The following TRMT11 variants were observed in gnomAD, a reference collection of about 807,000 sequenced individuals.
The protein encoded by TRMT11 is tRNA methyltransferase 11, also known as tRNA (guanine(10)-N(2))-methyltransferase TRMT11.
Under a neutral mutation model 62.8 loss-of-function variants are expected in TRMT11, and 53 were observed. The observed-to-expected ratio is 0.84, with a 90% CI of 0.68 to 1.06. TRMT11 has a LOEUF of 1.06. Ranked by LOEUF, TRMT11 falls within the 50% of genes least tolerant of loss-of-function variation. The probability of loss-of-function intolerance (pLI) is 0.00; values close to 1 mark genes in which losing one functional copy is unlikely to be tolerated. For synonymous variants in TRMT11, 188 were observed against 190.3 expected (o/e 0.99, Z 0.10); for missense variants, 556 against 553.4 (o/e 1.00, Z -0.05).
At position 126,038,385 on chromosome 6, in the gene TRMT11, G is replaced by A. The variant is rs181086190; in HGVS notation, c.1261-320G>A. Among the ~76,000 whole-genome samples the A allele has an allele frequency of 4.4e-5, 6 of 136,558 alleles. No individual in the cohort carries two copies. In the Middle Eastern group the frequency reaches 0.012, roughly 280 times the overall value. The allele number at this position is 136,558 out of a possible 152,430, so 89.6% of individuals were successfully genotyped here. A position where few individuals can be genotyped will look rare whatever the true frequency, so the allele number is the denominator to read the frequency against. On this transcript the variant is annotated intron_variant, in intron 12 of 12. Coordinates refer to ENST00000334379, the MANE Select transcript of TRMT11 (RefSeq NM_001031712.3). ...GTGTGTGCTGAACTGGGAATCAGAA[G>A]AAAGTTATAGCCTTGACTCTGTTAC...
chr6:126,067,358 C>G (rs1027174109), intron 17 of TRMT11, among the ~76,000 whole-genome samples: 2 of 152,200 alleles, frequency 1.3e-5, no homozygotes, highest in Non-Finnish European at 2.9e-5. Flanking sequence ...TCTGTGCCTT[C>G]TAAGTGTAAG....
At chr6:126,143,881 T>A (rs1351960114) in intron 21 of TRMT11, among the ~76,000 whole-genome samples, 1 of 152,172 alleles carries the variant, frequency 6.6e-6, no homozygotes, top group African/African-American at 2.4e-5. Context: ...ATGGGGCCGC[T>A]TGACTCACTG....
chr6:126,057,464 C>A (rs1562309566), intron 17 of TRMT11, among the ~76,000 whole-genome samples: 1 of 152,200 alleles, frequency 6.6e-6, no homozygotes, highest in African/African-American at 2.4e-5. Context: ...AGAGAAACTT[C>A]AAGTACCCTA....
chr6:126,227,271 A>T, the TRMT11 span, among the ~76,000 whole-genome samples: 2 of 152,248 alleles, frequency 1.3e-5, no homozygotes, highest in Non-Finnish European at 2.9e-5. Context: ...AAGCAGGCAA[A>T]TGTGCCATTT....
At chr6:126,107,805 T>C (rs554241506) in intron 17 of TRMT11, among the ~76,000 whole-genome samples, 64 of 152,306 alleles carry the variant, frequency 4.2e-4, no homozygotes, top group Non-Finnish European at 8.2e-4. Flanking sequence ...TTATCAGATT[T>C]ATTTCTCATT....
the TRMT11 span, among the ~76,000 whole-genome samples, chr6:126,233,896 T>C: frequency 6.6e-6 from 1 of 152,114 alleles, no homozygotes; most frequent in African/African-American, 2.4e-5. Context: ...GCCCAAACCA[T>C]AGAGATGTTA....
the TRMT11 span, among the ~76,000 whole-genome samples, chr6:126,252,624 A>G: frequency 6.6e-6 from 1 of 152,184 alleles, no homozygotes; most frequent in Non-Finnish European, 1.5e-5. Flanking sequence ...TCAGTTGCCT[A>G]AGATGGTTTG....
the TRMT11 span, among the ~76,000 whole-genome samples, chr6:126,231,154 A>G: frequency 6.6e-6 from 1 of 152,172 alleles, no homozygotes. Context: ...GGTTATTTGC[A>G]AGATTTTTAA....
downstream of TRMT11, among the ~76,000 whole-genome samples, chr6:126,204,998 A>G (rs1778775920): frequency 6.6e-6 from 1 of 152,198 alleles, no homozygotes; most frequent in Non-Finnish European, 1.5e-5. Context: ...AAATATTTAG[A>G]GGCATCAGAG....
the TRMT11 span, among the ~76,000 whole-genome samples, chr6:126,225,044 C>A: frequency 6.6e-6 from 1 of 152,192 alleles, no homozygotes; most frequent in Non-Finnish European, 1.5e-5. Flanking sequence ...GTGCTCAGAT[C>A]AGACTGGCCT....
chr6:125,995,269 G>A (rs1311968145), intron 2 of TRMT11, among the ~76,000 whole-genome samples: 1 of 152,106 alleles, frequency 6.6e-6, no homozygotes, highest in African/African-American at 2.4e-5. Context: ...GAGGGGAGGA[G>A]GAAAGGAAGG....
At chr6:126,036,692 C>G (rs1389981280) in intron 12 of TRMT11, among the ~76,000 whole-genome samples, 1 of 152,106 alleles carries the variant, frequency 6.6e-6, no homozygotes, top group Non-Finnish European at 1.5e-5. Flanking sequence ...CAGGATTAAG[C>G]TAACACAGCT....
At chr6:126,226,354 T>C in the TRMT11 span, among the ~76,000 whole-genome samples, 1,452 of 152,318 alleles carry the variant, frequency 9.5e-3, 11 homozygotes, top group Non-Finnish European at 0.016. Flanking sequence ...AGAAGCTGTA[T>C]AGACCTTGCC....
the TRMT11 span, among the ~76,000 whole-genome samples, chr6:126,259,211 A>C: frequency 4.6e-5 from 7 of 152,188 alleles, no homozygotes; most frequent in Non-Finnish European, 7.4e-5. Context: ...ATTTTTAAAA[A>C]ATTGAGATGG....
chr6:126,034,045 T>C (rs1774702531), intron 12 of TRMT11, among the ~76,000 whole-genome samples: 1 of 152,080 alleles, frequency 6.6e-6, no homozygotes, highest in African/African-American at 2.4e-5. Flanking sequence ...GTCCTCTAAA[T>C]GTCAAACTCT....
intron 21 of TRMT11, among the ~76,000 whole-genome samples, chr6:126,151,813 T>TCTTTCTTTCTTTAGTTTC (rs1295692557): frequency 0.021 from 2,110 of 99,580 alleles, 81 homozygotes; most frequent in Non-Finnish European, 0.028. Flanking sequence ...GTCTTTTCTT[T>TCTTTCTTTCTTTAGTTTC]CTTTCTTTCT....
the TRMT11 span, among the ~76,000 whole-genome samples, chr6:126,254,911 C>T: frequency 6.6e-6 from 1 of 152,108 alleles, no homozygotes; most frequent in Non-Finnish European, 1.5e-5. Context: ...TTTGCATTTG[C>T]CTTCTAGTTC....
chr6:126,188,289 TA>T (rs1562344458), intron 1 of TRMT11, among the ~76,000 whole-genome samples: 1 of 151,740 alleles, frequency 6.6e-6, no homozygotes, highest in East Asian at 1.9e-4. Flanking sequence ...AAATTGACAA[TA>T]AAAATCAAAT....
At chr6:126,257,872 G>T in the TRMT11 span, 1 of 1,306,150 alleles carries the variant, frequency 7.7e-7, no homozygotes, top group Non-Finnish European at 1.1e-6. Flanking sequence ...CTATGAGGTC[G>T]GGGGGACAGT....
Sources: gnomAD v4.1 joint callset for allele counts (sites outside exome capture counted in the v4.1 genomes callset) on GRCh38, gnomAD v4.1.1 for gene constraint, MANE v1.5 for transcripts, NCBI Gene and HGNC (gene_info 2026-07-23, HGNC 2026-07-21) for gene names.